PAH: variants seen among roughly 807,000 people sequenced by gnomAD.
PAH encodes phenylalanine-4-hydroxylase.
PAH carries 64 observed loss-of-function variants against 62.0 expected under a neutral mutation model. The observed-to-expected ratio is 1.03, with a 90% CI of 0.84 to 1.27. The LOEUF is 1.27. Ranked by LOEUF, PAH falls within the 50% of genes most tolerant of loss-of-function variation. The probability of loss-of-function intolerance (pLI) is 0.00; values close to 1 mark genes in which losing one functional copy is unlikely to be tolerated. For missense variants in PAH, 579 were observed against 542.8 expected (o/e 1.07, Z -0.66); for synonymous variants, 195 against 196.2 (o/e 0.99, Z 0.05).
intron 4 of PAH, among the ~76,000 whole-genome samples, chr12:102,867,595 A>G (rs924225001): frequency 2.0e-5 from 3 of 152,246 alleles, no homozygotes; most frequent in East Asian, 3.9e-4. Context: ...AGCCTTTCCC[A>G]GTAAGCCATG....
chr12:102,912,825 ACTT>A lies in PAH; in HGVS notation c.131_133del (p.Glu44del), dbSNP rs199475628. Reference sequence around the variant, plus strand: ...GCGCAATACTTTGGCCAATGCACCAACTTCTTCTTTGAGTGAGAAGATCAGTGA... The same window carrying A: ...GCGCAATACTTTGGCCAATGCACCAACTTCTTTGAGTGAGAAGATCAGTGA... On this transcript the variant is annotated inframe_deletion, in exon 2 of 13. Transcript: ENST00000553106. 8.6e-5 allele frequency: 139 copies of A among 1,613,508 alleles called. No individual in the cohort carries two copies. Among genetic ancestry groups the A allele is most frequent in the Non-Finnish European group, 1.0e-4 (122 of 1,179,538 alleles).
At chr12:102,930,958 G>A (rs1878848085) in intron 1 of PAH, among the ~76,000 whole-genome samples, 1 of 151,964 alleles carries the variant, frequency 6.6e-6, no homozygotes, top group African/African-American at 2.4e-5. Flanking sequence ...TTTCAATCAT[G>A]TTATAGAAAA....
intron 8 of PAH, among the ~76,000 whole-genome samples, chr12:102,847,813 G>A (rs772496093): frequency 7.2e-5 from 11 of 152,186 alleles, no homozygotes; most frequent in Admixed American, 1.3e-4. Flanking sequence ...AAGTGGAGTT[G>A]TTGGTTATAC....
At chr12:102,910,561 G>A (rs984931605) in intron 2 of PAH, among the ~76,000 whole-genome samples, 1 of 151,972 alleles carries the variant, frequency 6.6e-6, no homozygotes, top group African/African-American at 2.4e-5. Context: ...TAGTACAGAC[G>A]GGGTTTCACC....
intron 1 of PAH, among the ~76,000 whole-genome samples, chr12:102,927,737 C>T (rs73393541): frequency 0.032 from 4,808 of 152,102 alleles, 264 homozygotes; most frequent in African/African-American, 0.11. Context: ...ATAAAAGATA[C>T]AAAGCCTTGT....
intron 1 of PAH, among the ~76,000 whole-genome samples, chr12:102,929,082 C>T (rs998870323): frequency 6.6e-6 from 1 of 152,108 alleles, no homozygotes; most frequent in African/African-American, 2.4e-5. Flanking sequence ...CTTTTCCTTC[C>T]TGCCACCATG....
At chr12:102,877,427 C>T (rs1406368428) in intron 4 of PAH, 35 bp downstream of exon 4, 2 of 1,471,438 alleles carry the variant, frequency 1.4e-6, no homozygotes, top group Non-Finnish European at 1.9e-6. Context: ...AGGAGAGGCA[C>T]TGAAAAAATC....
chr12:102,923,236 G>A (rs573869421), intron 1 of PAH, among the ~76,000 whole-genome samples: 16 of 152,292 alleles, frequency 1.1e-4, no homozygotes, highest in African/African-American at 3.1e-4. Context: ...TAATGCCTGC[G>A]TGAATGAGAG....
At chr12:102,936,489 C>G (rs1196733527) in intron 1 of PAH, among the ~76,000 whole-genome samples, 2 of 152,094 alleles carry the variant, frequency 1.3e-5, no homozygotes, top group African/African-American at 4.8e-5. Flanking sequence ...GTTGATGTCT[C>G]TAGCTATTAT....
At chr12:102,851,157 A>T (rs1875131997) in intron 8 of PAH, among the ~76,000 whole-genome samples, 1 of 152,010 alleles carries the variant, frequency 6.6e-6, no homozygotes, top group Admixed American at 6.6e-5. Flanking sequence ...ACTGTGAAAG[A>T]TGAATGAAAT....
exon 1 of PAH, chr12:102,958,353 G>C (rs1879998821): frequency 1.4e-6 from 2 of 1,427,474 alleles, no homozygotes; most frequent in Non-Finnish European, 1.8e-6. Flanking sequence ...CACGGCCGCA[G>C]CCGCGGCGGC....
rs112144158 is a variant in PAH, at chr12:102,861,032, T to C, written c.509+5564A>G. Among the ~76,000 whole-genome samples, 1,501 of 152,182 alleles carry C rather than the reference T, an allele frequency of 9.9e-3. 16 individuals are homozygous for C. The highest frequency in any genetic ancestry group is 0.033 in the African/African-American group (1,383 of 41,508). On this transcript the variant is annotated intron_variant, in intron 5 of 12. Transcript: ENST00000553106. ...TTCTGCACAGCAAAAGAAACTACCA[T>C]CAGAGTGAACAGGCAACTGACAGAA...
chr12:102,907,461 T>C (rs960413798), intron 2 of PAH, among the ~76,000 whole-genome samples: 3 of 152,186 alleles, frequency 2.0e-5, no homozygotes, highest in African/African-American at 7.2e-5. Flanking sequence ...AGTTCCCTCA[T>C]CCATAAAGTG....
At chr12:102,882,123 C>T (rs1722390) in intron 3 of PAH, among the ~76,000 whole-genome samples, 107,013 of 152,196 alleles carry the variant, frequency 0.7, 39,677 homozygotes, top group African/African-American at 0.92. Context: ...CCAACTCTTA[C>T]CTCTTGTCCT....
chr12:102,882,775 T>A (rs1718305), intron 3 of PAH, among the ~76,000 whole-genome samples: 62,960 of 150,698 alleles, frequency 0.42, 13,640 homozygotes, highest in Non-Finnish European at 0.46. Flanking sequence ...TTTCGTTGTG[T>A]AACTGGCAAG....
intron 1 of PAH, among the ~76,000 whole-genome samples, chr12:102,939,169 T>C (rs930413244): frequency 1.7e-4 from 26 of 152,024 alleles, no homozygotes; most frequent in African/African-American, 5.3e-4. Flanking sequence ...CACCTCCAGC[T>C]GAACATTTCC....
intron 2 of PAH, among the ~76,000 whole-genome samples, chr12:102,897,488 T>TAC (rs1262723549): frequency 1.3e-4 from 18 of 140,178 alleles, no homozygotes; most frequent in African/African-American, 4.8e-4. Flanking sequence ...TATATATATA[T>TAC]ATATAATTCA....
At chr12:102,913,669 C>A (rs758897336) in intron 1 of PAH, 2 of 595,526 alleles carry the variant, frequency 3.4e-6, no homozygotes, top group Non-Finnish European at 6.0e-6. Flanking sequence ...AACTTGCTCC[C>A]ATATGCTGAG....
chr12:102,956,108 G>A (rs1879903486), intron 1 of PAH, among the ~76,000 whole-genome samples: 1 of 152,134 alleles, frequency 6.6e-6, no homozygotes, highest in South Asian at 2.1e-4. Context: ...CTCCACAAAG[G>A]GGAGTTCAAT....
Sources: gnomAD v4.1 joint callset for allele counts (sites outside exome capture counted in the v4.1 genomes callset) on GRCh38, gnomAD v4.1.1 for gene constraint, MANE v1.5 for transcripts, NCBI Gene and HGNC (gene_info 2026-07-23, HGNC 2026-07-21) for gene names.